The following SYNDIG1 variants were observed in gnomAD, a reference collection of about 807,000 sequenced individuals.
SYNDIG1 encodes synapse differentiation-inducing gene protein 1.
A neutral mutation model predicts 19.4 loss-of-function variants in SYNDIG1; 9 were observed. That is an observed-to-expected ratio of 0.46 (90% CI 0.28 to 0.81). SYNDIG1 has a LOEUF of 0.81. SYNDIG1 is among the 30% of genes least tolerant of loss of function. SYNDIG1 has a pLI of 0.12. For missense variants in SYNDIG1, 311 were observed against 343.3 expected, an observed-to-expected ratio of 0.91 and a Z score of 0.74; for synonymous variants, 141 against 145.9, an observed-to-expected ratio of 0.97 and a Z score of 0.24.
intron 1 of SYNDIG1, among the ~76,000 whole-genome samples, chr20:24,479,622 G>A (rs969996949): frequency 2.0e-5 from 3 of 152,084 alleles, no homozygotes; most frequent in African/African-American, 7.2e-5. Context: ...CTAGATCTAA[G>A]TATTTCCTGC....
chr20:24,584,726 G>A (rs952007606), intron 2 of SYNDIG1, 130 bp from the exon 3 acceptor site: 34 of 1,269,668 alleles, frequency 2.7e-5, no homozygotes, highest in Middle Eastern at 4.4e-4. Context: ...CTCGAACAAC[G>A]TCAGCAACTG....
chr20:24,628,197 G>T (rs1322291826), intron 3 of SYNDIG1, among the ~76,000 whole-genome samples: 1 of 152,118 alleles, frequency 6.6e-6, no homozygotes, highest in Non-Finnish European at 1.5e-5. Context: ...ATTAGCAACC[G>T]CTGCCAGGAA....
intron 3 of SYNDIG1, among the ~76,000 whole-genome samples, chr20:24,614,518 T>C (rs189232254): frequency 1.1e-4 from 17 of 150,202 alleles, no homozygotes; most frequent in Admixed American, 1.1e-3. Context: ...TGAGGGGAAC[T>C]AACCTAAAGT....
chr20:24,506,902 C>G (rs1043965402), intron 1 of SYNDIG1, among the ~76,000 whole-genome samples: 33 of 152,280 alleles, frequency 2.2e-4, no homozygotes, highest in Non-Finnish European at 4.4e-4. Context: ...GCAAGAAAGC[C>G]TCGGAGCTCA....
intron 1 of SYNDIG1, among the ~76,000 whole-genome samples, chr20:24,525,286 C>CTTTTTTTTTTT (rs11471122): frequency 1.9e-5 from 2 of 106,558 alleles, no homozygotes; most frequent in Non-Finnish European, 3.8e-5. Flanking sequence ...TCTTCTTCTT[C>CTTTTTTTTTTT]TTTTTTTTTT....
intron 1 of SYNDIG1, among the ~76,000 whole-genome samples, chr20:24,512,533 C>T (rs1018554224): frequency 2.0e-5 from 3 of 151,964 alleles, no homozygotes; most frequent in African/African-American, 4.8e-5. Context: ...CACGGAGCCT[C>T]GCTCATTGCT....
At chr20:24,593,558 A>T (rs532457946) in intron 3 of SYNDIG1, among the ~76,000 whole-genome samples, 7 of 152,300 alleles carry the variant, frequency 4.6e-5, no homozygotes, top group African/African-American at 1.7e-4. Context: ...ATACCCAGTG[A>T]TGGAATTGCT....
chr20:24,609,778 T>G (rs1265642058), intron 3 of SYNDIG1, among the ~76,000 whole-genome samples: 2 of 152,072 alleles, frequency 1.3e-5, no homozygotes, highest in Admixed American at 1.3e-4. Flanking sequence ...ACCTTAACAT[T>G]CATATCTCAG....
chr20:24,639,775 A>G (rs1457617477), intron 3 of SYNDIG1, among the ~76,000 whole-genome samples: 1 of 152,238 alleles, frequency 6.6e-6, no homozygotes, highest in Non-Finnish European at 1.5e-5. Context: ...TCTAAACATT[A>G]TTCTCTATAT....
chr20:24,644,470 G>A (rs2059405867), intron 3 of SYNDIG1, among the ~76,000 whole-genome samples: 1 of 152,194 alleles, frequency 6.6e-6, no homozygotes, highest in Non-Finnish European at 1.5e-5. Flanking sequence ...TTGTTACAGT[G>A]GAGTGCAGGA....
At chr20:24,536,420 T>C (rs924827854) in intron 1 of SYNDIG1, among the ~76,000 whole-genome samples, 21 of 152,122 alleles carry the variant, frequency 1.4e-4, no homozygotes, top group African/African-American at 4.8e-4. Context: ...GAATATGTCA[T>C]TGCCACCCCA....
At chr20:24,492,189 TG>T (rs926393763) in intron 1 of SYNDIG1, among the ~76,000 whole-genome samples, 4 of 151,992 alleles carry the variant, frequency 2.6e-5, no homozygotes, top group Non-Finnish European at 2.9e-5. Context: ...CACACCCCCT[TG>T]GAATGTGCCC....
chr20:24,487,046 G>T (rs1477979612), intron 1 of SYNDIG1, among the ~76,000 whole-genome samples: 1 of 151,936 alleles, frequency 6.6e-6, no homozygotes, highest in Non-Finnish European at 1.5e-5. Flanking sequence ...ACGGGCCAAG[G>T]TTGGGGGGAG....
intron 2 of SYNDIG1, among the ~76,000 whole-genome samples, chr20:24,566,112 A>G (rs1748077044): frequency 6.6e-6 from 1 of 152,186 alleles, no homozygotes; most frequent in Non-Finnish European, 1.5e-5. Context: ...TGTCTCAGCC[A>G]GAGTCCCACA....
intron 2 of SYNDIG1, among the ~76,000 whole-genome samples, chr20:24,555,866 A>C (rs944694643): frequency 4.2e-4 from 64 of 151,898 alleles, no homozygotes; most frequent in African/African-American, 1.5e-3. Context: ...TCCTTGTTAA[A>C]TTTCTGTCTC....
At chr20:24,584,787 C>T (rs1041897363) in intron 2 of SYNDIG1, 69 bp from the exon 3 acceptor site, 1 of 1,608,506 alleles carries the variant, frequency 6.2e-7, no homozygotes, top group African/African-American at 1.3e-5. Context: ...TCCCACATCC[C>T]TGGACACCCC....
intron 3 of SYNDIG1, among the ~76,000 whole-genome samples, chr20:24,600,299 G>A (rs187035764): frequency 6.6e-6 from 1 of 152,312 alleles, no homozygotes; most frequent in East Asian, 1.9e-4. Context: ...CACCGTTAAT[G>A]TGAAGGGGAT....
intron 1 of SYNDIG1, among the ~76,000 whole-genome samples, chr20:24,539,960 G>A (rs1282456964): frequency 6.6e-6 from 1 of 151,914 alleles, no homozygotes; most frequent in African/African-American, 2.4e-5. Context: ...TGTATTTTTG[G>A]TAGAAATAGG....
chr20:24,569,063 G>T lies in SYNDIG1; in HGVS notation c.481-15793G>T, dbSNP rs151074492. 2.2e-4 allele frequency among the ~76,000 whole-genome samples: 34 copies of T among 152,312 alleles called. 1 individual carries two copies. In the East Asian group the frequency reaches 6.4e-3, roughly 29 times the overall value. ...GAGACAGTGCAGGTGTCCCTCGAGA[G>T]CCCGCCCATTTCAAGTGACATGACA... On this transcript the variant is annotated intron_variant, in intron 2 of 3. Transcript: ENST00000376862.
Sources: allele counts gnomAD v4.1 joint callset (sites outside exome capture counted in the v4.1 genomes callset), GRCh38; gene constraint gnomAD v4.1.1; transcripts MANE v1.5; gene names NCBI Gene and HGNC (gene_info 2026-07-23, HGNC 2026-07-21).